Variants in LRBA observed in about 807,000 individuals in gnomAD.
LRBA encodes lipopolysaccharide-responsive and beige-like anchor protein.
Under a neutral mutation model 330.0 loss-of-function variants are expected in LRBA, and 176 were observed. The observed-to-expected ratio is 0.53, with a 90% CI of 0.47 to 0.60. The LOEUF is 0.60. Ranked by LOEUF, LRBA falls within the 20% of genes least tolerant of loss-of-function variation. The pLI is 0.00. For missense variants in LRBA, 3,259 were observed against 3,444.8 expected, an observed-to-expected ratio of 0.95 and a Z score of 1.35; for synonymous variants, 1,230 against 1,193.0, an observed-to-expected ratio of 1.03 and a Z score of -0.64.
intron 17 of LRBA, among the ~76,000 whole-genome samples, chr4:150,883,872 A>G (rs1158972535): frequency 2.0e-5 from 3 of 152,232 alleles, no homozygotes; most frequent in Non-Finnish European, 2.9e-5. Flanking sequence ...GAAAGTAGCA[A>G]AAATTAAAAC....
At chr4:150,935,980 G>A (rs2149519610) in intron 2 of LRBA, among the ~76,000 whole-genome samples, 1 of 151,616 alleles carries the variant, frequency 6.6e-6, no homozygotes, top group South Asian at 2.1e-4. Context: ...GAAATAAAAA[G>A]TGGTACAGAA....
At chr4:150,285,676 T>A (rs1353884384) in intron 54 of LRBA, among the ~76,000 whole-genome samples, 3 of 152,244 alleles carry the variant, frequency 2.0e-5, no homozygotes, top group Admixed American at 6.5e-5. Context: ...ATGATGGAAA[T>A]GATCTGTATC....
intron 42 of LRBA, among the ~76,000 whole-genome samples, chr4:150,480,244 C>G (rs1757148252): frequency 6.6e-6 from 1 of 152,114 alleles, no homozygotes; most frequent in Non-Finnish European, 1.5e-5. Flanking sequence ...TCCCAATACC[C>G]TATACCATGA....
At chr4:150,422,848 C>A in intron 46 of LRBA, 1 of 1,368,950 alleles carries the variant, frequency 7.3e-7, no homozygotes, top group Non-Finnish European at 1.0e-6. Context: ...GTACTGAACT[C>A]CACCACGTGA....
intron 47 of LRBA, among the ~76,000 whole-genome samples, chr4:150,350,682 G>A (rs1189934956): frequency 6.6e-6 from 1 of 152,000 alleles, no homozygotes; most frequent in Admixed American, 6.6e-5. Flanking sequence ...TACAATAAAT[G>A]TGTAAGTTTC....
chr4:150,899,670 A>G (rs888134583), intron 14 of LRBA, among the ~76,000 whole-genome samples: 1 of 152,188 alleles, frequency 6.6e-6, no homozygotes, highest in African/African-American at 2.4e-5. Context: ...TACTTCTGCA[A>G]GAAACCACCA....
intron 40 of LRBA, among the ~76,000 whole-genome samples, chr4:150,574,343 C>T (rs1484019379): frequency 1.3e-5 from 2 of 151,906 alleles, no homozygotes; most frequent in Non-Finnish European, 2.9e-5. Flanking sequence ...GCACTGAAAG[C>T]CTAAACATCT....
intron 40 of LRBA, chr4:150,579,478 T>C: frequency 2.6e-6 from 1 of 383,624 alleles, no homozygotes; most frequent in South Asian, 2.0e-5. Context: ...TAAATTAAAG[T>C]CGCCTTTGTT....
intron 37 of LRBA, among the ~76,000 whole-genome samples, chr4:150,672,924 G>A (rs1782196243): frequency 6.6e-6 from 1 of 152,154 alleles, no homozygotes. Context: ...AAGGAAGAAT[G>A]AAAGGAAAGT....
At chr4:150,295,865 C>CT in intron 53 of LRBA, among the ~76,000 whole-genome samples, 1 of 152,166 alleles carries the variant, frequency 6.6e-6, no homozygotes, top group South Asian at 2.1e-4. Flanking sequence ...TAATGTGCTT[C>CT]TTTTTTCCTA....
intron 37 of LRBA, among the ~76,000 whole-genome samples, chr4:150,654,966 C>A (rs1224042548): frequency 6.6e-6 from 1 of 152,004 alleles, no homozygotes; most frequent in African/African-American, 2.4e-5. Flanking sequence ...GGGTTGGTTC[C>A]AAGTCTTTGC....
At chr4:150,375,839 GA>G (rs2151877108) in intron 47 of LRBA, among the ~76,000 whole-genome samples, 1 of 152,128 alleles carries the variant, frequency 6.6e-6, no homozygotes, top group African/African-American at 2.4e-5. Flanking sequence ...TTTTCTGAAA[GA>G]AAACTATTTC....
rs933744209 is a variant in LRBA at position 150,435,597 on chromosome 4, C to G, written c.7033G>C (p.Asp2345His). The G allele has an allele frequency of 1.2e-6, 2 of 1,608,008 alleles. No homozygotes were observed. The highest frequency in any genetic ancestry group is 1.7e-6 in the Non-Finnish European group (2 of 1,178,484). The change falls in exon 46 of 57, where the codon GAT (aspartate) becomes CAT (histidine). Residue 2345 changes from aspartate (D) to histidine (H), a missense_variant. Physicochemically the swap from Asp to His is moderately conservative, Grantham distance 81 (BLOSUM62 -1). Transcript: ENST00000651943. ...AWRNSQRDTS[D>H]IKELIPEFYY... Reference sequence around the variant, plus strand: ...ACAAAACATTTCTGTACCTTAATATCAGAGGTATCACGCTGACTGTTTCGC... The same window carrying G: ...ACAAAACATTTCTGTACCTTAATATGAGAGGTATCACGCTGACTGTTTCGC...
At chr4:150,621,439 A>G (rs1219918942) in intron 37 of LRBA, among the ~76,000 whole-genome samples, 1 of 152,232 alleles carries the variant, frequency 6.6e-6, no homozygotes, top group Non-Finnish European at 1.5e-5. Context: ...TATAAAAGCA[A>G]CACAGTGTGA....
In LRBA at chr4:150,867,628, AG is replaced by A. The variant is rs756793303; in HGVS notation, c.2766+42del. 4 of 1,462,646 alleles carry A rather than the reference AG, an allele frequency of 2.7e-6. No homozygotes were observed. The Admixed American group carries it at 1.0e-4, about 38-fold the overall frequency. 90.6% of individuals were successfully genotyped at this position (1,462,646 alleles called of 1,614,324 possible). A position where few individuals can be genotyped will look rare whatever the true frequency, so the allele number is the denominator to read the frequency against. On this transcript the variant is annotated intron_variant, in intron 22 of 56. Transcript: ENST00000651943. Reference sequence around the variant, plus strand: ...TAAATGACTAAAATTCAAAAATTATAGATATTTAAAATGCTACAATACGCTT... The same window carrying A: ...TAAATGACTAAAATTCAAAAATTATAATATTTAAAATGCTACAATACGCTT...
intron 34 of LRBA, among the ~76,000 whole-genome samples, chr4:150,766,871 A>G (rs750759886): frequency 1.3e-5 from 2 of 152,164 alleles, no homozygotes; most frequent in Non-Finnish European, 2.9e-5. Flanking sequence ...AAAACAAGAG[A>G]GTCAATAATT....
At chr4:150,610,328 G>A (rs974080752) in intron 37 of LRBA, among the ~76,000 whole-genome samples, 3 of 152,232 alleles carry the variant, frequency 2.0e-5, no homozygotes, top group African/African-American at 7.2e-5. Context: ...GGTGGCTCAC[G>A]CCTATAATCC....
Position 150,576,164 on chromosome 4 carries a change from TA to T in LRBA, c.6330+11883del, listed in dbSNP as rs33976355. 1.5e-3 allele frequency among the ~76,000 whole-genome samples: 215 copies of T among 142,812 alleles called. 1 individual carries two copies. The highest frequency in any genetic ancestry group is 4.4e-3 in the African/African-American group (172 of 39,224). The allele number at this position is 142,812 out of a possible 152,430, so 93.7% of individuals were successfully genotyped here. ...ACATTAATAAGTTCAAACTGGTTTTTAAAAAAAAAAAAAGGAGGAGGGGAGA... is the reference window on the plus strand; with the variant it reads ...ACATTAATAAGTTCAAACTGGTTTTTAAAAAAAAAAAAGGAGGAGGGGAGA... On this transcript the variant is annotated intron_variant, in intron 40 of 56. Transcript: ENST00000651943.
At chr4:150,552,768 C>T (rs1198567177) in intron 40 of LRBA, among the ~76,000 whole-genome samples, 1 of 152,010 alleles carries the variant, frequency 6.6e-6, no homozygotes, top group Admixed American at 6.6e-5. Context: ...CAATGATAGA[C>T]TGGATTAAAA....
Sources: allele counts gnomAD v4.1 joint callset (sites outside exome capture counted in the v4.1 genomes callset), GRCh38; gene constraint gnomAD v4.1.1; transcripts MANE v1.5; gene names NCBI Gene and HGNC (gene_info 2026-07-23, HGNC 2026-07-21).